XIRP2: variants seen among roughly 807,000 people sequenced by gnomAD.
XIRP2 encodes the protein xin actin binding repeat containing 2, also known as xin actin-binding repeat-containing protein 2.
A neutral mutation model predicts 277.0 loss-of-function variants in XIRP2; 236 were observed. The ratio of observed to expected loss-of-function variants is 0.85; its 90% CI spans 0.77 to 0.95. XIRP2 has a LOEUF of 0.95. Among genes scored for constraint, XIRP2 ranks in the 40% least tolerant of loss-of-function variants. The pLI, the probability that XIRP2 is intolerant of heterozygous loss-of-function variation, is 0.00. For synonymous variants in XIRP2, 1,490 were observed against 1,416.5 expected, an observed-to-expected ratio of 1.05 and a Z score of -1.17; for missense variants, 4,640 against 4,157.5, an observed-to-expected ratio of 1.12 and a Z score of -3.19.
intron 3 of XIRP2, among the ~76,000 whole-genome samples, chr2:167,172,932 A>C (rs1351388083): frequency 6.6e-6 from 1 of 152,228 alleles, no homozygotes; most frequent in African/African-American, 2.4e-5. Flanking sequence ...AAATCTTCAC[A>C]ATTTATGTTC....
chr2:167,087,421 T>C (rs1574242064), intron 2 of XIRP2, among the ~76,000 whole-genome samples: 1 of 151,994 alleles, frequency 6.6e-6, no homozygotes, highest in Admixed American at 6.5e-5. Context: ...GCCCCACAGG[T>C]GGAGCCTACA....
chr2:166,911,075 A>C (rs1266605295), intron 2 of XIRP2, among the ~76,000 whole-genome samples: 6 of 152,184 alleles, frequency 3.9e-5, no homozygotes, highest in Admixed American at 6.5e-5. Flanking sequence ...GGTGCTGAGA[A>C]AAATGTATAT....
intron 3 of XIRP2, among the ~76,000 whole-genome samples, chr2:167,191,522 T>A (rs1693335435): frequency 6.6e-6 from 1 of 152,166 alleles, no homozygotes; most frequent in South Asian, 2.1e-4. Context: ...TGCAGTAGCT[T>A]TTTGTGGCTT....
chr2:166,947,608 T>C (rs1416999104), intron 2 of XIRP2, among the ~76,000 whole-genome samples: 1 of 152,142 alleles, frequency 6.6e-6, no homozygotes, highest in Admixed American at 6.6e-5. Context: ...TTTAGTGTGG[T>C]GTTCAAAATT....
chr2:166,904,735 C>T (rs1045885947), intron 2 of XIRP2, among the ~76,000 whole-genome samples: 5 of 152,172 alleles, frequency 3.3e-5, no homozygotes, highest in African/African-American at 1.2e-4. Flanking sequence ...TACATGATCT[C>T]AGGTTTTCCT....
chr2:167,044,939 C>T (rs1167297000), intron 2 of XIRP2, among the ~76,000 whole-genome samples: 1 of 151,080 alleles, frequency 6.6e-6, no homozygotes, highest in African/African-American at 2.4e-5. Context: ...ACTCAAATGC[C>T]TAAAGAAATT....
rs540727724 is a variant in XIRP2, at chr2:166,966,006, CAAAT to C, written c.408+62125_408+62128del. Among the ~76,000 whole-genome samples the C allele has an allele frequency of 1.9e-3, 294 of 151,620 alleles. 3 individuals are homozygous for C. Among genetic ancestry groups the C allele is most frequent in the African/African-American group, 6.6e-3 (274 of 41,430 alleles). Reference sequence around the variant, plus strand: ...TTTGCACATGTTTATTTTTAAAGTACAAATAAATAAATTGTGTTTATCTATTAAT... The same window carrying C: ...TTTGCACATGTTTATTTTTAAAGTACAAATAAATTGTGTTTATCTATTAAT... On this transcript the variant is annotated intron_variant, in intron 2 of 10. Coordinates refer to ENST00000409195, the MANE Select transcript of XIRP2 (RefSeq NM_152381.6).
intron 2 of XIRP2, among the ~76,000 whole-genome samples, chr2:166,908,852 A>G (rs1038569978): frequency 6.6e-6 from 1 of 152,212 alleles, no homozygotes; most frequent in Non-Finnish European, 1.5e-5. Flanking sequence ...TAGTTTTCCT[A>G]GCACCATTTA....
chr2:167,183,114 A>G lies in XIRP2; in HGVS notation c.563-27621A>G, dbSNP rs1470249308. Among the ~76,000 whole-genome samples the G allele has an allele frequency of 2.6e-5, 4 of 152,234 alleles. No homozygotes were observed. The East Asian group carries it at 7.7e-4, about 29-fold the overall frequency. On this transcript the variant is annotated intron_variant, in intron 3 of 10. Transcript: ENST00000409195. ...TAAGTGGACCTAATGTCGTATATCA[A>G]CTTAACCTAAGAGGGAAGTCTTTAG...
In XIRP2 at chr2:167,246,380, T is replaced by A. The variant is rs7591107; in HGVS notation, c.4988T>A (p.Ile1663Lys). The A allele has an allele frequency of 3.8e-5, 61 of 1,613,134 alleles. No individual in the cohort carries two copies. In the African/African-American group the frequency reaches 5.6e-4, roughly 15 times the overall value. The change falls in exon 9 of 11, where the codon ATA (isoleucine) becomes AAA (lysine). Residue 1663 changes from isoleucine (I) to lysine (K), a missense_variant. Physicochemically the swap from Ile to Lys is moderately radical, Grantham distance 102 (BLOSUM62 -3). Transcript: ENST00000409195. ...EIVKGDVQQA[I>K]KNLFSEERSV... is the part of the protein sequence containing the mutation. Reference sequence around the variant, plus strand: ...GTGAAAGGTGATGTACAACAAGCAATAAAAAACCTGTTCTCTGAGGAAAGA... The same window carrying A: ...GTGAAAGGTGATGTACAACAAGCAAAAAAAAACCTGTTCTCTGAGGAAAGA...
At chr2:167,018,319 T>C (rs1482006960) in intron 2 of XIRP2, among the ~76,000 whole-genome samples, 1 of 151,996 alleles carries the variant, frequency 6.6e-6, no homozygotes, top group Non-Finnish European at 1.5e-5. Flanking sequence ...TCAGACCCTA[T>C]TTTCCTTGCA....
chr2:167,205,875 G>C (rs1693840256), intron 3 of XIRP2, among the ~76,000 whole-genome samples: 1 of 151,886 alleles, frequency 6.6e-6, no homozygotes. Flanking sequence ...TTATTGTTTA[G>C]GTATTATATT....
intron 2 of XIRP2, among the ~76,000 whole-genome samples, chr2:167,043,477 T>G (rs1688714940): frequency 6.6e-6 from 1 of 151,678 alleles, no homozygotes; most frequent in Non-Finnish European, 1.5e-5. Flanking sequence ...CAGAGAAGAT[T>G]CAAATAAACA....
intron 2 of XIRP2, among the ~76,000 whole-genome samples, chr2:167,087,772 G>C (rs565059907): frequency 6.6e-5 from 10 of 151,798 alleles, no homozygotes; most frequent in African/African-American, 2.4e-4. Context: ...CGCTTCCCAA[G>C]TGAGGCAATG....
intron 3 of XIRP2, among the ~76,000 whole-genome samples, chr2:167,201,451 C>T (rs970628216): frequency 7.9e-5 from 12 of 151,800 alleles, no homozygotes; most frequent in South Asian, 2.1e-4. Context: ...GATGAAAGCG[C>T]GACACCACCT....
chr2:166,917,566 T>C (rs964339667), intron 2 of XIRP2, among the ~76,000 whole-genome samples: 2 of 152,118 alleles, frequency 1.3e-5, no homozygotes, highest in Non-Finnish European at 2.9e-5. Flanking sequence ...CAGAGGAAAC[T>C]GCCATCTCTT....
chr2:167,206,151 G>A (rs1693846546), intron 3 of XIRP2, among the ~76,000 whole-genome samples: 1 of 152,134 alleles, frequency 6.6e-6, no homozygotes, highest in Non-Finnish European at 1.5e-5. Context: ...CTTTTTCCAT[G>A]AACTTAAAAT....
At chr2:167,234,672 G>T (rs1398422232) in intron 5 of XIRP2, among the ~76,000 whole-genome samples, 2 of 151,636 alleles carry the variant, frequency 1.3e-5, no homozygotes, top group Non-Finnish European at 3.0e-5. Context: ...CATAACTTTA[G>T]GCAGAGTTAC....
intron 2 of XIRP2, among the ~76,000 whole-genome samples, chr2:167,011,341 TG>T (rs1687674056): frequency 6.6e-6 from 1 of 151,812 alleles, no homozygotes; most frequent in African/African-American, 2.4e-5. Flanking sequence ...ATGTGGTTTT[TG>T]TCTTTGGTTC....
Sources: gnomAD v4.1 joint callset for allele counts (sites outside exome capture counted in the v4.1 genomes callset) on GRCh38, gnomAD v4.1.1 for gene constraint, MANE v1.5 for transcripts, NCBI Gene and HGNC (gene_info 2026-07-23, HGNC 2026-07-21) for gene names.